Variants in TXK observed in about 807,000 individuals in gnomAD.
The protein encoded by TXK is TXK tyrosine kinase, also known as tyrosine-protein kinase TXK.
A neutral mutation model predicts 81.0 loss-of-function variants in TXK; 60 were observed. The observed-to-expected ratio is 0.74, with a 90% CI of 0.60 to 0.92. The LOEUF (loss-of-function observed/expected upper bound fraction) is 0.92, where lower values mean the gene tolerates loss of function less well. Ranked by LOEUF, TXK falls within the 40% of genes least tolerant of loss-of-function variation. TXK has a pLI of 0.00. For synonymous variants in TXK, 203 were observed against 210.7 expected (o/e 0.96, Z 0.32); for missense variants, 581 against 638.3 (o/e 0.91, Z 0.97).
intron 1 of TXK, among the ~76,000 whole-genome samples, chr4:48,123,001 C>G (rs1202043407): frequency 6.6e-6 from 1 of 152,182 alleles, no homozygotes; most frequent in Non-Finnish European, 1.5e-5. Context: ...GCCTGGAAGC[C>G]ATTGGAAAAT....
intron 1 of TXK, among the ~76,000 whole-genome samples, chr4:48,128,050 G>T (rs557927171): frequency 7.2e-5 from 11 of 152,324 alleles, no homozygotes; most frequent in African/African-American, 2.6e-4. Context: ...GTGAAGAACT[G>T]TGGGGCCCGG....
At chr4:48,112,084 C>T (rs529703613) in intron 4 of TXK, among the ~76,000 whole-genome samples, 1 of 152,288 alleles carries the variant, frequency 6.6e-6, no homozygotes, top group South Asian at 2.1e-4. Flanking sequence ...GTGACTTGCC[C>T]GGGGACACAC....
In TXK at chr4:48,112,363, T is replaced by C; in HGVS notation, c.324A>G (p.Glu108=). The change falls in exon 4 of 15, where the codon GAA becomes GAG. Residue 108 remains glutamate, a synonymous_variant. Transcript: ENST00000264316. ...GATTGTATTTCTCCAGTATCAGGTA[T>C]TCTTCTGCTCTCCTTAAGGCTAAAT... ...PCNLALRRAE[E]YLILEKYNPH... is the part of the protein sequence containing the mutation. The C allele has an allele frequency of 1.2e-6, 2 of 1,614,198 alleles. No homozygotes were observed. Among genetic ancestry groups the C allele is most frequent in the Non-Finnish European group, 8.5e-7 (1 of 1,179,998 alleles).
intron 6 of TXK, among the ~76,000 whole-genome samples, chr4:48,098,344 G>A (rs1297089357): frequency 6.6e-6 from 1 of 152,144 alleles, no homozygotes; most frequent in Non-Finnish European, 1.5e-5. Flanking sequence ...AGAATTGCAT[G>A]ATGAATGTAA....
Position 48,120,196 on chromosome 4 carries a change from C to CACATATATACGTATATATGT in TXK, c.17-5814_17-5795dup, listed in dbSNP as rs1370305082. 4.3e-5 allele frequency among the ~76,000 whole-genome samples: 4 copies of CACATATATACGTATATATGT among 92,034 alleles called. No individual in the cohort carries two copies. The Admixed American group carries it at 5.7e-4, about 13-fold the overall frequency. 60.4% of individuals were successfully genotyped at this position (92,034 alleles called of 152,430 possible). A position where few individuals can be genotyped will look rare whatever the true frequency, so the allele number is the denominator to read the frequency against. Reference sequence around the variant, plus strand: ...ACGTATATGTGTATATATACATACACACATATATACGTATATATGTACATA... The same window carrying CACATATATACGTATATATGT: ...ACGTATATGTGTATATATACATACACACATATATACGTATATATGTACATATATACGTATATATGTACATA... On this transcript the variant is annotated intron_variant, in intron 1 of 14. Coordinates refer to ENST00000264316, the MANE Select transcript of TXK (RefSeq NM_003328.3).
intron 5 of TXK, among the ~76,000 whole-genome samples, chr4:48,108,052 C>T (rs1158143312): frequency 1.3e-5 from 2 of 151,902 alleles, no homozygotes; most frequent in African/African-American, 4.8e-5. Flanking sequence ...GCCTGGGTGA[C>T]AGAGCGAGAC....
chr4:48,095,449 A>G (rs557215645), intron 6 of TXK, among the ~76,000 whole-genome samples: 2 of 152,208 alleles, frequency 1.3e-5, no homozygotes, highest in Non-Finnish European at 2.9e-5. Context: ...TGCATTTATA[A>G]TGTACTTTAG....
intron 2 of TXK, 136 bp downstream of exon 2, chr4:48,114,212 C>T (rs1252731949): frequency 8.9e-6 from 7 of 782,788 alleles, no homozygotes; most frequent in Non-Finnish European, 1.5e-5. Flanking sequence ...AACAAATAGG[C>T]ATTCCACAGG....
chr4:48,084,736 A>G (rs1296706147), intron 10 of TXK, among the ~76,000 whole-genome samples: 1 of 152,166 alleles, frequency 6.6e-6, no homozygotes, highest in Non-Finnish European at 1.5e-5. Flanking sequence ...AATTCGTTCT[A>G]TTGTAAGTGA....
At chr4:48,132,040 AT>A (rs35357614) in intron 1 of TXK, among the ~76,000 whole-genome samples, 5,700 of 138,770 alleles carry the variant, frequency 0.041, 301 homozygotes, top group African/African-American at 0.13. Flanking sequence ...GAATAACCTG[AT>A]TTTTTTTTTT....
At chr4:48,120,431 G>A (rs1330206308) in intron 1 of TXK, among the ~76,000 whole-genome samples, 1 of 150,832 alleles carries the variant, frequency 6.6e-6, no homozygotes, top group South Asian at 2.1e-4. Flanking sequence ...CAAACTACGC[G>A]TGATCTTATT....
At chr4:48,073,895 T>C (rs1359587550) in intron 13 of TXK, 40 bp downstream of exon 13, 1 of 1,321,808 alleles carries the variant, frequency 7.6e-7, no homozygotes, top group Non-Finnish European at 1.1e-6. Flanking sequence ...GCCCATTTTA[T>C]TAAATCAAGC....
intron 1 of TXK, among the ~76,000 whole-genome samples, chr4:48,124,778 C>T (rs1719044330): frequency 6.6e-6 from 1 of 152,138 alleles, no homozygotes; most frequent in Admixed American, 6.5e-5. Flanking sequence ...AATAAAGTAC[C>T]AAACCATGAG....
intron 10 of TXK, among the ~76,000 whole-genome samples, chr4:48,081,339 G>A (rs988032631): frequency 1.3e-5 from 2 of 151,988 alleles, no homozygotes; most frequent in African/African-American, 4.8e-5. Context: ...ACAGAAATAA[G>A]GCAAACCTTT....
intron 6 of TXK, among the ~76,000 whole-genome samples, chr4:48,103,542 T>G (rs1279287481): frequency 6.6e-6 from 1 of 152,178 alleles, no homozygotes; most frequent in Admixed American, 6.5e-5. Flanking sequence ...GAGTTTTGAG[T>G]TACAGAACTG....
chr4:48,113,117 G>A, intron 3 of TXK, 90 bp downstream of exon 3: 2 of 831,444 alleles, frequency 2.4e-6, no homozygotes, highest in Non-Finnish European at 3.9e-6. Context: ...CAGGATACTA[G>A]ATTCTGGGCA....
intron 8 of TXK, among the ~76,000 whole-genome samples, chr4:48,092,967 C>T (rs561217536): frequency 9.2e-5 from 14 of 152,284 alleles, no homozygotes; most frequent in Middle Eastern, 3.4e-3. Flanking sequence ...GGATGCTCAC[C>T]GTGACTCTAA....
At chr4:48,078,705 C>G (rs1468904946) in intron 11 of TXK, among the ~76,000 whole-genome samples, 1 of 152,134 alleles carries the variant, frequency 6.6e-6, no homozygotes, top group Non-Finnish European at 1.5e-5. Flanking sequence ...TTTAGCATTC[C>G]TAGTCTCTTC....
intron 1 of TXK, among the ~76,000 whole-genome samples, chr4:48,120,192 TAC>T (rs777317362): frequency 9.9e-4 from 93 of 94,398 alleles, no homozygotes; most frequent in Non-Finnish European, 1.5e-3. Context: ...TATATATACA[TAC>T]ACACATATAT....
Sources: gnomAD v4.1 joint callset for allele counts (sites outside exome capture counted in the v4.1 genomes callset) on GRCh38, gnomAD v4.1.1 for gene constraint, MANE v1.5 for transcripts, NCBI Gene and HGNC (gene_info 2026-07-23, HGNC 2026-07-21) for gene names.